The following CISD3 variants were observed in gnomAD, a reference collection of about 807,000 sequenced individuals.
CISD3 encodes the protein CDGSH iron-sulfur domain-containing protein 3, mitochondrial.
A neutral mutation model predicts 14.1 loss-of-function variants in CISD3; 11 were observed. The observed-to-expected ratio is 0.78, with a 90% CI of 0.49 to 1.29. The LOEUF is 1.29. Ranked by LOEUF, CISD3 falls within the 50% of genes most tolerant of loss-of-function variation. The pLI, the probability that CISD3 is intolerant of heterozygous loss-of-function variation, is 0.00. For synonymous variants in CISD3, 53 were observed against 69.2 expected (o/e 0.77, Z 1.16); for missense variants, 156 against 171.6 (o/e 0.91, Z 0.51).
At position 38,735,211 on chromosome 17, in the gene CISD3, G is replaced by C; in HGVS notation, c.*1756G>C. On this transcript the variant is annotated 3_prime_UTR_variant, in exon 4 of 4. Transcript: ENST00000613478. ...AGAGGCTTGGCTGGAAGAAGGGAGA[G>C]GGTCCCTGGCCTCAAGTTAAGGGGG... 1 of 1,393,672 alleles carries C rather than the reference G, an allele frequency of 7.2e-7. No homozygotes were observed. The highest frequency in any genetic ancestry group is 9.4e-7 in the Non-Finnish European group (1 of 1,063,724). 86.3% of individuals were successfully genotyped at this position (1,393,672 alleles called of 1,614,324 possible). A position where few individuals can be genotyped will look rare whatever the true frequency, so the allele number is the denominator to read the frequency against.
chr17:38,730,635 C>A, intron 1 of CISD3, 125 bp from the exon 2 acceptor site: 1 of 983,816 alleles, frequency 1.0e-6, no homozygotes, highest in Non-Finnish European at 1.6e-6. Flanking sequence ...TCCTCCCTCG[C>A]CCCTTCAGCC....
At position 38,730,765 on chromosome 17, in the gene CISD3, G is replaced by C. The variant is rs1906294504; in HGVS notation, c.54G>C (p.Leu18=). 6.4e-7 allele frequency: 1 copy of C among 1,551,756 alleles called. No homozygotes were observed. Residue 18 remains leucine, a synonymous_variant, in exon 2 of 4, where the codon CTG becomes CTC. Transcript: ENST00000613478. ...LRPAARGARD[L]NPRRDISSWL... Reference sequence around the variant, plus strand: ...CATGCTTGCGTACCTTGCAGGACCTGAACCCGCGGCGGGACATCTCCTCCT... The same window carrying C: ...CATGCTTGCGTACCTTGCAGGACCTCAACCCGCGGCGGGACATCTCCTCCT...
In CISD3 at chr17:38,733,302, C is replaced by T; in HGVS notation, c.231C>T (p.Phe77=). ...CCTTCTGTGACGGCTCCCACTTCTT[C>T]CAACGCACTGGCCTATCTCCACTCA... ...KQPFCDGSHF[F]QRTGLSPLKF... is the part of the protein sequence containing the mutation. Residue 77 remains phenylalanine, a synonymous_variant, in exon 4 of 4, where the codon TTC becomes TTT. Transcript: ENST00000613478. 1 of 1,551,740 alleles carries T rather than the reference C, an allele frequency of 6.4e-7. No homozygotes were observed. Among genetic ancestry groups the T allele is most frequent in the Non-Finnish European group, 8.7e-7 (1 of 1,146,992 alleles).
chr17:38,730,650 C>A, intron 1 of CISD3, 110 bp from the exon 2 acceptor site: 3 of 1,140,036 alleles, frequency 2.6e-6, no homozygotes, highest in Non-Finnish European at 3.9e-6. Flanking sequence ...TCAGCCCTGT[C>A]ACCTCCTCCT....
In CISD3 at chr17:38,730,349, G is replaced by A. The variant is rs1256237886; in HGVS notation, c.-10G>A. On this transcript the variant is annotated 5_prime_UTR_variant, in exon 1 of 4. Transcript: ENST00000613478. ...GGAGCCAGCGGGCGGGCGCGGCGCG[G>A]GAGGCGACCATGCGCGGCGCGGGGG... The A allele has an allele frequency of 8.8e-7, 1 of 1,136,338 alleles. No homozygotes were observed. The highest frequency in any genetic ancestry group is 1.6e-5 in the African/African-American group (1 of 60,736). The allele number at this position is 1,136,338 out of a possible 1,614,324, so 70.4% of individuals were successfully genotyped here.
intron 3 of CISD3, among the ~76,000 whole-genome samples, chr17:38,731,651 G>T (rs889820105): frequency 6.6e-6 from 1 of 152,320 alleles, no homozygotes; most frequent in East Asian, 1.9e-4. Context: ...ACTCAGTCAC[G>T]CAGCCAGCCT....
chr17:38,733,055 T>C (rs112094622), intron 3 of CISD3, among the ~76,000 whole-genome samples: 175 of 152,138 alleles, frequency 1.2e-3, no homozygotes, highest in African/African-American at 4.0e-3. Flanking sequence ...ACACTTACTA[T>C]AGGCAAAGTG....
Position 38,733,680 on chromosome 17 carries a change from C to A in CISD3, c.*225C>A. The A allele has an allele frequency of 1.8e-6, 1 of 543,634 alleles. No individual in the cohort carries two copies. Among genetic ancestry groups the A allele is most frequent in the Non-Finnish European group, 3.2e-6 (1 of 312,890 alleles). 33.7% of individuals were successfully genotyped at this position (543,634 alleles called of 1,614,324 possible). On this transcript the variant is annotated 3_prime_UTR_variant, in exon 4 of 4. Coordinates refer to ENST00000613478, the MANE Select transcript of CISD3 (RefSeq NM_001136498.2). ...GATGGGGAAGATGGCAAAAACAAGC[C>A]TGCCCAACCAGACTGGTAGTCCTGC...
intron 3 of CISD3, among the ~76,000 whole-genome samples, chr17:38,732,296 G>A (rs1906367304): frequency 6.6e-6 from 1 of 152,102 alleles, no homozygotes; most frequent in South Asian, 2.1e-4. Context: ...CTATTTGCAC[G>A]CTTCTCTCAT....
intron 3 of CISD3, 98 bp downstream of exon 3, chr17:38,731,537 C>T (rs925815799): frequency 1.4e-6 from 2 of 1,466,450 alleles, no homozygotes; most frequent in African/African-American, 1.4e-5. Context: ...TCTTCCCACA[C>T]ATACCTGAGG....
intron 3 of CISD3, among the ~76,000 whole-genome samples, chr17:38,732,834 G>A (rs1906392886): frequency 6.6e-6 from 1 of 151,758 alleles, no homozygotes; most frequent in Non-Finnish European, 1.5e-5. Context: ...GTTATTCCCT[G>A]GAGCCAAACA....
chr17:38,730,425 C>T lies in CISD3; in HGVS notation c.48+19C>T. On this transcript the variant is annotated intron_variant, in intron 1 of 3. Coordinates refer to ENST00000613478, the MANE Select transcript of CISD3 (RefSeq NM_001136498.2). ...TGCCCGGGTGAGCACCCCCGCCCTG[C>T]ACCAGCCCCCGTCCCGAACCCCAGC... The T allele has an allele frequency of 7.7e-7, 1 of 1,300,932 alleles. No individual in the cohort carries two copies. 80.6% of individuals were successfully genotyped at this position (1,300,932 alleles called of 1,614,324 possible). A position where few individuals can be genotyped will look rare whatever the true frequency, so the allele number is the denominator to read the frequency against.
At position 38,735,109 on chromosome 17, in the gene CISD3, C is replaced by A; in HGVS notation, c.*1654C>A. On this transcript the variant is annotated 3_prime_UTR_variant, in exon 4 of 4. Transcript: ENST00000613478. ...TATATATTTATTTATAAAACCCGCC[C>A]CCCACCCCCAAGGTGGGAAGAGCTG... 2 of 766,628 alleles carry A rather than the reference C, an allele frequency of 2.6e-6. No individual in the cohort carries two copies. Among genetic ancestry groups the A allele is most frequent in the Non-Finnish European group, 3.7e-6 (2 of 539,650 alleles). 47.5% of individuals were successfully genotyped at this position (766,628 alleles called of 1,614,324 possible).
intron 3 of CISD3, 50 bp from the exon 4 acceptor site, chr17:38,733,226 T>TGCCCTGCCCC: frequency 6.5e-7 from 1 of 1,544,520 alleles, no homozygotes; most frequent in South Asian, 1.2e-5. Flanking sequence ...TGCCCTGCCC[T>TGCCCTGCCCC]GCCCCAGCAG....
rs973179069 is a variant in CISD3, at chr17:38,731,444, G to C, written c.204+5G>C. ...TGTGGCCGCAGCAAGAAGCAGGTGA[G>C]ACCCCTGTCTGCCTTCCTACTGATA... On this transcript the variant is annotated splice_donor_5th_base_variant and intron_variant, in intron 3 of 3. Coordinates refer to ENST00000613478, the MANE Select transcript of CISD3 (RefSeq NM_001136498.2). The C allele has an allele frequency of 6.4e-7, 1 of 1,551,542 alleles. No individual in the cohort carries two copies. Among genetic ancestry groups the C allele is most frequent in the Non-Finnish European group, 8.7e-7 (1 of 1,146,924 alleles).
Position 38,734,428 on chromosome 17 carries a change from C to T in CISD3, c.*973C>T, listed in dbSNP as rs1906513705. ...TAAGGTTGGTGGGGGTGCAGCGCTT[C>T]ACAATGCTAAAGCCTTAGCCCTCCT... On this transcript the variant is annotated 3_prime_UTR_variant, in exon 4 of 4. Coordinates refer to ENST00000613478, the MANE Select transcript of CISD3 (RefSeq NM_001136498.2). 6.6e-6 allele frequency: 1 copy of T among 152,064 alleles called. No homozygotes were observed. The highest frequency in any genetic ancestry group is 1.5e-5 in the Non-Finnish European group (1 of 68,014). 9.4% of individuals were successfully genotyped at this position (152,064 alleles called of 1,614,324 possible). A position where few individuals can be genotyped will look rare whatever the true frequency, so the allele number is the denominator to read the frequency against.
intron 2 of CISD3, chr17:38,731,030 T>TG: frequency 1.6e-6 from 1 of 634,084 alleles, no homozygotes; most frequent in Non-Finnish European, 2.7e-6. Context: ...TGCCGTAGGC[T>TG]GGAAGGATCC....
At position 38,731,717 on chromosome 17, in the gene CISD3, A is replaced by G. The variant is rs59789372; in HGVS notation, c.204+278A>G. On this transcript the variant is annotated intron_variant, in intron 3 of 3. Transcript: ENST00000613478. Reference sequence around the variant, plus strand: ...GGAGCTGTTTGTTTCTCAGAGGTGCACTGCATGGCGAAGCTCACCTGGCCC... The same window carrying G: ...GGAGCTGTTTGTTTCTCAGAGGTGCGCTGCATGGCGAAGCTCACCTGGCCC... 72,438 of 430,934 alleles carry G rather than the reference A, an allele frequency of 0.17. 7,608 individuals carry two copies. Among genetic ancestry groups the G allele is most frequent in the African/African-American group, 0.38 (19,214 of 50,904 alleles). The allele number at this position is 430,934 out of a possible 1,614,324, so 26.7% of individuals were successfully genotyped here.
chr17:38,733,290 C>T lies in CISD3; in HGVS notation c.219C>T (p.Gly73=). 4 of 1,551,688 alleles carry T rather than the reference C, an allele frequency of 2.6e-6. No homozygotes were observed. Among genetic ancestry groups the T allele is most frequent in the East Asian group, 2.4e-5 (1 of 40,918 alleles). The change falls in exon 4 of 4, where the codon GGC becomes GGT. Residue 73 remains glycine, a synonymous_variant. Coordinates refer to ENST00000613478, the MANE Select transcript of CISD3 (RefSeq NM_001136498.2). ...TCCCCCACCAGCCCTTCTGTGACGG[C>T]TCCCACTTCTTCCAACGCACTGGCC... is the stretch of plus-strand genomic sequence containing the variant. The part of the protein sequence containing the change: ...GRSKKQPFCD[G]SHFFQRTGLS...
Sources: allele counts gnomAD v4.1 joint callset (sites outside exome capture counted in the v4.1 genomes callset), GRCh38; gene constraint gnomAD v4.1.1; transcripts MANE v1.5; gene names NCBI Gene and HGNC (gene_info 2026-07-23, HGNC 2026-07-21).